SDK1: variants seen among roughly 807,000 people sequenced by gnomAD.
The protein encoded by SDK1 is sidekick cell adhesion molecule 1.
A neutral mutation model predicts 245.5 loss-of-function variants in SDK1; 157 were observed. The observed-to-expected ratio is 0.64, with a 90% CI of 0.56 to 0.73. SDK1 has a LOEUF of 0.73. SDK1 is among the 30% of genes least tolerant of loss of function. The pLI is 0.00. For synonymous variants in SDK1, 1,647 were observed against 1,278.5 expected (o/e 1.29, Z -6.15); for missense variants, 3,583 against 3,002.3 (o/e 1.19, Z -4.52).
At chr7:4,192,750 G>A (rs138262466) in intron 35 of SDK1, among the ~76,000 whole-genome samples, 2 of 151,714 alleles carry the variant, frequency 1.3e-5, no homozygotes, top group East Asian at 1.9e-4. Flanking sequence ...TCCAAGACCC[G>A]CCCGTGTCGA....
chr7:3,937,049 T>C (rs1259363816), intron 5 of SDK1, among the ~76,000 whole-genome samples: 1 of 152,208 alleles, frequency 6.6e-6, no homozygotes, highest in Non-Finnish European at 1.5e-5. Flanking sequence ...TGGTCTTGAC[T>C]GGCATGTCAA....
At chr7:3,579,644 A>G (rs1235111675) in intron 1 of SDK1, among the ~76,000 whole-genome samples, 1 of 152,194 alleles carries the variant, frequency 6.6e-6, no homozygotes, top group Non-Finnish European at 1.5e-5. Flanking sequence ...CACCAATCCT[A>G]TTCAAGATAG....
chr7:3,476,422 G>C (rs1781349546), intron 1 of SDK1, among the ~76,000 whole-genome samples: 1 of 152,104 alleles, frequency 6.6e-6, no homozygotes, highest in African/African-American at 2.4e-5. Context: ...CCTTTAACCA[G>C]ACATTACTTT....
intron 4 of SDK1, among the ~76,000 whole-genome samples, chr7:3,797,412 T>C (rs1778988051): frequency 6.6e-6 from 1 of 151,608 alleles, no homozygotes; most frequent in Non-Finnish European, 1.5e-5. Context: ...TTCTGTATAG[T>C]CATTTAGCCC....
At chr7:3,380,672 TAAG>T (rs1781464239) in intron 1 of SDK1, among the ~76,000 whole-genome samples, 1 of 152,196 alleles carries the variant, frequency 6.6e-6, no homozygotes, top group Non-Finnish European at 1.5e-5. Context: ...GCTATGTCAT[TAAG>T]GAGACTGACT....
rs775277099 is a variant in SDK1, at chr7:3,967,414, C to T, written c.1526C>T (p.Pro509Leu). The part of the protein sequence containing the change: ...LRCEVSGAPK[P>L]AITWKRENHI... ...TGTGAGGTGTCCGGGGCTCCCAAAC[C>T]CGCCATCACCTGGAAAAGAGGTGGG... Residue 509 changes from proline to leucine, a missense_variant, in exon 10 of 45, where the codon CCC becomes CTC. Transcript: ENST00000404826. 6.2e-6 allele frequency: 10 copies of T among 1,613,224 alleles called. No individual in the cohort carries two copies. Among genetic ancestry groups the T allele is most frequent in the Non-Finnish European group, 5.9e-6 (7 of 1,179,190 alleles).
intron 1 of SDK1, among the ~76,000 whole-genome samples, chr7:3,555,243 C>T (rs1440120250): frequency 1.3e-5 from 2 of 152,110 alleles, no homozygotes; most frequent in Admixed American, 6.6e-5. Flanking sequence ...GCAAGTTGAC[C>T]AGTGGAACAA....
At chr7:4,241,513 T>C (rs1786514767) in intron 42 of SDK1, among the ~76,000 whole-genome samples, 1 of 152,202 alleles carries the variant, frequency 6.6e-6, no homozygotes, top group Non-Finnish European at 1.5e-5. Context: ...TTATGCATTC[T>C]GAGTCTATTT....
Position 4,241,886 on chromosome 7 carries a change from G to C in SDK1, c.6224G>C (p.Ser2075Thr), listed in dbSNP as rs750952784. 3 of 1,613,814 alleles carry C rather than the reference G, an allele frequency of 1.9e-6. No individual in the cohort carries two copies. The highest frequency in any genetic ancestry group is 3.3e-5 in the Admixed American group (2 of 60,008). The change falls in exon 43 of 45, where the codon AGC becomes ACC. Residue 2075 changes from serine to threonine, a missense_variant. Transcript: ENST00000404826. ...AGCAGCCGCCACCTCAATGTCAAGA[G>C]CACCTTCTCCAAGAAGAACGGGACC... ...ELSSRHLNVK[S>T]TFSKKNGTRS...
chr7:4,167,324 T>C (rs1434233936), intron 32 of SDK1, among the ~76,000 whole-genome samples: 1 of 151,812 alleles, frequency 6.6e-6, no homozygotes, highest in African/African-American at 2.4e-5. Flanking sequence ...GAGGCTACAG[T>C]GAGCAACCCA....
At chr7:3,905,894 G>A (rs1320996996) in intron 5 of SDK1, among the ~76,000 whole-genome samples, 1 of 152,140 alleles carries the variant, frequency 6.6e-6, no homozygotes, top group Non-Finnish European at 1.5e-5. Flanking sequence ...AAAGTGCTGA[G>A]ATTGCAGGTA....
At position 4,219,791 on chromosome 7, in the gene SDK1, G is replaced by A. The variant is rs917602511; in HGVS notation, c.5540-318G>A. ...GTCCAACCTGGAGAATGGCAGGACCGCCCCCCTTCCCCCGCCCCCGCTCCT... is the reference window on the plus strand; with the variant it reads ...GTCCAACCTGGAGAATGGCAGGACCACCCCCCTTCCCCCGCCCCCGCTCCT... On this transcript the variant is annotated intron_variant, in intron 38 of 44. Transcript: ENST00000404826. Among the ~76,000 whole-genome samples the A allele has an allele frequency of 1.1e-4, 13 of 121,182 alleles. No individual in the cohort carries two copies. In the South Asian group the frequency reaches 2.6e-3, roughly 25 times the overall value. 79.5% of individuals were successfully genotyped at this position (121,182 alleles called of 152,430 possible). A position where few individuals can be genotyped will look rare whatever the true frequency, so the allele number is the denominator to read the frequency against.
intron 1 of SDK1, among the ~76,000 whole-genome samples, chr7:3,331,305 C>T (rs2128550971): frequency 6.6e-6 from 1 of 152,198 alleles, no homozygotes; most frequent in East Asian, 1.9e-4. Context: ...CTATGGTGTT[C>T]TGTTACAGCA....
chr7:3,325,997 G>C (rs771982858), intron 1 of SDK1, among the ~76,000 whole-genome samples: 1 of 152,048 alleles, frequency 6.6e-6, no homozygotes, highest in Non-Finnish European at 1.5e-5. Flanking sequence ...AAATAAAAGG[G>C]CAGACATATA....
chr7:3,907,422 C>T (rs961596409), intron 5 of SDK1, among the ~76,000 whole-genome samples: 2 of 152,138 alleles, frequency 1.3e-5, no homozygotes, highest in African/African-American at 2.4e-5. Context: ...TAAGGATTGT[C>T]TACATTGTAG....
At chr7:3,899,412 C>T (rs1046657711) in intron 5 of SDK1, among the ~76,000 whole-genome samples, 2 of 152,230 alleles carry the variant, frequency 1.3e-5, no homozygotes, top group Admixed American at 6.5e-5. Flanking sequence ...ATGTCTACCA[C>T]GTGAGATGCA....
intron 5 of SDK1, among the ~76,000 whole-genome samples, chr7:3,855,227 A>G (rs1210368206): frequency 6.6e-6 from 1 of 152,130 alleles, no homozygotes; most frequent in Non-Finnish European, 1.5e-5. Flanking sequence ...TCTTACCTGG[A>G]ATCTCAAATA....
At chr7:3,477,422 C>T (rs1210221865) in intron 1 of SDK1, among the ~76,000 whole-genome samples, 1 of 151,440 alleles carries the variant, frequency 6.6e-6, no homozygotes, top group Admixed American at 6.6e-5. Flanking sequence ...TCTTGAACTC[C>T]CGACCTCAGG....
At chr7:3,784,714 G>T (rs950234491) in intron 4 of SDK1, among the ~76,000 whole-genome samples, 1 of 152,170 alleles carries the variant, frequency 6.6e-6, no homozygotes, top group African/African-American at 2.4e-5. Flanking sequence ...AATATAACAT[G>T]TGTTGGCCAG....
Sources: gnomAD v4.1 joint callset for allele counts (sites outside exome capture counted in the v4.1 genomes callset) on GRCh38, gnomAD v4.1.1 for gene constraint, MANE v1.5 for transcripts, NCBI Gene and HGNC (gene_info 2026-07-23, HGNC 2026-07-21) for gene names.